Variants in TMPO observed in about 807,000 individuals in gnomAD.
TMPO encodes the protein LEM domain containing 4.
A neutral mutation model predicts 45.4 loss-of-function variants in TMPO; 22 were observed. The ratio of observed to expected loss-of-function variants is 0.48; its 90% confidence interval spans 0.35 to 0.69. The LOEUF is 0.69. Among genes scored for constraint, TMPO ranks in the 30% least tolerant of loss-of-function variants. TMPO has a pLI of 0.01. For synonymous variants in TMPO, 241 were observed against 204.1 expected (o/e 1.18, Z -1.54); for missense variants, 512 against 548.8 (o/e 0.93, Z 0.67).
Position 98,537,587 on chromosome 12 carries a change from A to G in TMPO, c.663+15A>G, listed in dbSNP as rs1186614863. On this transcript the variant is annotated intron_variant, in intron 4 of 8. Coordinates refer to ENST00000556029, the MANE Select transcript of TMPO (RefSeq NM_001032283.3). ...AGCACAATCAGGTATCTTTAGTTTT[A>G]TTACCACCGTGTACAGGTATAAATA... 5 of 1,589,616 alleles carry G rather than the reference A, an allele frequency of 3.1e-6. No homozygotes were observed. Among genetic ancestry groups the G allele is most frequent in the Non-Finnish European group, 4.3e-6 (5 of 1,159,924 alleles).
At chr12:98,516,475 G>C (rs144337361) in intron 1 of TMPO, 2 of 1,119,928 alleles carry the variant, frequency 1.8e-6, no homozygotes, top group Non-Finnish European at 1.1e-6. Flanking sequence ...GGACTTCCGT[G>C]CCCTTTCGAA....
chr12:98,536,927 T>A (rs1304338477), intron 3 of TMPO, among the ~76,000 whole-genome samples: 2 of 152,232 alleles, frequency 1.3e-5, no homozygotes, highest in African/African-American at 4.8e-5. Context: ...AGGTTTTTTA[T>A]AACTACATCA....
chr12:98,544,077 A>T, intron 4 of TMPO, 153 bp from the exon 5 acceptor site: 2 of 803,196 alleles, frequency 2.5e-6, no homozygotes, highest in Non-Finnish European at 4.0e-6. Context: ...CAGTTCAATT[A>T]ATACATTTAG....
Position 98,528,029 on chromosome 12 carries a change from T to TCAAATA in TMPO, c.406+20_406+25dup, listed in dbSNP as rs759840677. 6.8e-6 allele frequency: 11 copies of TCAAATA among 1,613,682 alleles called. No individual in the cohort carries two copies. Among genetic ancestry groups the TCAAATA allele is most frequent in the Non-Finnish European group, 9.3e-6 (11 of 1,179,772 alleles). The stretch of plus-strand genomic sequence containing the variant: ...CTATTGTGGGTAAGTTGATAAAATT[T>TCAAATA]CAAATACAGTATCTTTTCTCTGAAG... On this transcript the variant is annotated intron_variant, in intron 2 of 8. Transcript: ENST00000556029.
chr12:98,527,744 CT>C, intron 1 of TMPO, 141 bp from the exon 2 acceptor site: 1 of 869,994 alleles, frequency 1.1e-6, no homozygotes, highest in Non-Finnish European at 1.8e-6. Flanking sequence ...ATGAGTTGCT[CT>C]TAATTTAATG....
chr12:98,530,711 C>T (rs1337569460), intron 2 of TMPO, among the ~76,000 whole-genome samples: 1 of 152,178 alleles, frequency 6.6e-6, no homozygotes, highest in African/African-American at 2.4e-5. Flanking sequence ...TAACTGAATA[C>T]AGGCATATTA....
At chr12:98,517,499 A>G (rs904317039) in intron 1 of TMPO, among the ~76,000 whole-genome samples, 1 of 152,194 alleles carries the variant, frequency 6.6e-6, no homozygotes, top group Non-Finnish European at 1.5e-5. Flanking sequence ...TTAAACCGAA[A>G]TTATTCCTTC....
At chr12:98,526,744 G>T (rs1176105873) in intron 1 of TMPO, among the ~76,000 whole-genome samples, 1 of 152,064 alleles carries the variant, frequency 6.6e-6, no homozygotes, top group East Asian at 1.9e-4. Context: ...CAGATAACGA[G>T]GTCAAGAGAT....
intron 1 of TMPO, among the ~76,000 whole-genome samples, chr12:98,519,316 G>T (rs879667679): frequency 6.7e-6 from 1 of 149,806 alleles, no homozygotes; most frequent in Non-Finnish European, 1.5e-5. Flanking sequence ...CTCCTGCCTC[G>T]ACCTCCCGAG....
At chr12:98,534,064 A>T (rs1877405887) in intron 3 of TMPO, 1 of 1,609,344 alleles carries the variant, frequency 6.2e-7, no homozygotes, top group Non-Finnish European at 8.5e-7. Flanking sequence ...AGCTGCACAG[A>T]TTCTTAGCTC....
intron 7 of TMPO, among the ~76,000 whole-genome samples, chr12:98,545,441 AC>A (rs1234008926): frequency 6.6e-6 from 1 of 152,106 alleles, no homozygotes; most frequent in African/African-American, 2.4e-5. Context: ...CTTTAACATA[AC>A]TTCATGTGGT....
chr12:98,540,791 C>G (rs942449313), intron 4 of TMPO, among the ~76,000 whole-genome samples: 1 of 152,328 alleles, frequency 6.6e-6, no homozygotes, highest in East Asian at 1.9e-4. Context: ...TGTCCAGTTT[C>G]TTTCACAAGA....
At chr12:98,528,080 T>G in intron 2 of TMPO, 68 bp downstream of exon 2, 2 of 1,594,514 alleles carry the variant, frequency 1.3e-6, no homozygotes, top group Non-Finnish European at 1.7e-6. Context: ...TTTTCTCCTT[T>G]TTGTTTAGCA....
At position 98,515,812 on chromosome 12, in the gene TMPO, CCGGCGTGAGCGG is replaced by C. The variant is rs1226741666; in HGVS notation, c.-50_-39del. 2 of 1,571,232 alleles carry C rather than the reference CCGGCGTGAGCGG, an allele frequency of 1.3e-6. No individual in the cohort carries two copies. The highest frequency in any genetic ancestry group is 1.2e-5 in the South Asian group (1 of 86,528). On this transcript the variant is annotated 5_prime_UTR_variant, in exon 1 of 9. Transcript: ENST00000556029. ...CGGTCCCCGGCCAGGAGCAAGCGCGCCGGCGTGAGCGGCGGCGGCAAAGGCTGTGGGGAGGGG... is the reference window on the plus strand; with the variant it reads ...CGGTCCCCGGCCAGGAGCAAGCGCGCCGGCGGCAAAGGCTGTGGGGAGGGG...
chr12:98,535,258 G>A (rs1170582053), intron 3 of TMPO: 4 of 982,162 alleles, frequency 4.1e-6, no homozygotes, highest in Non-Finnish European at 4.8e-6. Context: ...TAGCAATATA[G>A]ACTCTAAAAG....
intron 4 of TMPO, among the ~76,000 whole-genome samples, chr12:98,541,688 CT>C (rs1229835942): frequency 6.6e-6 from 1 of 151,960 alleles, no homozygotes; most frequent in Non-Finnish European, 1.5e-5. Flanking sequence ...ATTGCTTTTT[CT>C]TTTATTATTT....
At chr12:98,532,818 T>G (rs368110644) in intron 3 of TMPO, 1 of 1,614,070 alleles carries the variant, frequency 6.2e-7, no homozygotes, top group African/African-American at 1.3e-5. Context: ...CTTTTGCCTC[T>G]ACAGGAAAGA....
rs57778879 is a variant in TMPO at position 98,549,844 on chromosome 12, T to TAA, written c.*1986_*1987insAA. 4.4e-3 allele frequency: 626 copies of TAA among 141,876 alleles called. 6 individuals carry two copies. Among genetic ancestry groups the TAA allele is most frequent in the African/African-American group, 0.015 (597 of 38,940 alleles). 8.8% of individuals were successfully genotyped at this position (141,876 alleles called of 1,614,324 possible). A position where few individuals can be genotyped will look rare whatever the true frequency, so the allele number is the denominator to read the frequency against. ...TGAGACCAGAAAGACTTGTAGGTCT[T>TAA]TCTGCAGAATGAGTGGGTCCTTGCA... On this transcript the variant is annotated 3_prime_UTR_variant, in exon 9 of 9. Transcript: ENST00000556029.
chr12:98,528,637 T>C (rs2121177650), intron 2 of TMPO, among the ~76,000 whole-genome samples: 1 of 151,164 alleles, frequency 6.6e-6, no homozygotes, highest in East Asian at 2.0e-4. Flanking sequence ...AAATCTGAGG[T>C]AACATAGCTG....
Sources: gnomAD v4.1 joint callset for allele counts (sites outside exome capture counted in the v4.1 genomes callset) on GRCh38, gnomAD v4.1.1 for gene constraint, MANE v1.5 for transcripts, NCBI Gene and HGNC (gene_info 2026-07-23, HGNC 2026-07-21) for gene names.